Variants in SRFBP1 observed in about 807,000 individuals in gnomAD.
SRFBP1 encodes the protein serum response factor binding protein 1.
Under a neutral mutation model 45.5 loss-of-function variants are expected in SRFBP1, and 47 were observed. The observed-to-expected ratio is 1.03, with a 90% confidence interval of 0.82 to 1.32. SRFBP1 has a LOEUF of 1.32. Ranked by LOEUF, SRFBP1 falls within the 40% of genes most tolerant of loss-of-function variation. The probability of loss-of-function intolerance (pLI) is 0.00; values close to 1 mark genes in which losing one functional copy is unlikely to be tolerated. For synonymous variants in SRFBP1, 203 were observed against 166.3 expected (o/e 1.22, Z -1.70); for missense variants, 621 against 484.6 (o/e 1.28, Z -2.64).
chr5:121,979,112 C>A (rs1752358892), intron 3 of SRFBP1, among the ~76,000 whole-genome samples: 1 of 152,092 alleles, frequency 6.6e-6, no homozygotes, highest in Non-Finnish European at 1.5e-5. Context: ...AGATTATAAT[C>A]TGTAAAGGCA....
At chr5:122,029,971 A>G (rs1488230846), downstream of SRFBP1, among the ~76,000 whole-genome samples, 1 of 152,214 alleles carries the variant, frequency 6.6e-6, no homozygotes, top group Admixed American at 6.5e-5. Context: ...TATCGAGGAT[A>G]TATTTACATA....
At chr5:121,981,530 T>A (rs1752407576) in intron 3 of SRFBP1, among the ~76,000 whole-genome samples, 1 of 151,726 alleles carries the variant, frequency 6.6e-6, no homozygotes, top group Non-Finnish European at 1.5e-5. Flanking sequence ...CTGTTGCTTC[T>A]GTATCTTCCA....
At chr5:121,983,377 C>G (rs1752451397) in intron 3 of SRFBP1, among the ~76,000 whole-genome samples, 1 of 151,618 alleles carries the variant, frequency 6.6e-6, no homozygotes, top group Non-Finnish European at 1.5e-5. Flanking sequence ...CTCTTTGTAC[C>G]TGACAGAAGT....
chr5:121,986,537 C>G (rs1295892950), intron 3 of SRFBP1, among the ~76,000 whole-genome samples: 1 of 152,006 alleles, frequency 6.6e-6, no homozygotes, highest in Non-Finnish European at 1.5e-5. Flanking sequence ...CATATGGGCC[C>G]TAGTCTGAAC....
At chr5:122,012,999 G>A (rs1753124742) in intron 4 of SRFBP1, among the ~76,000 whole-genome samples, 1 of 152,008 alleles carries the variant, frequency 6.6e-6, no homozygotes, top group Non-Finnish European at 1.5e-5. Context: ...ACTTTAGTCA[G>A]GTTACTTACC....
chr5:122,071,906 C>G (rs555323504), intron 2 of SRFBP1, among the ~76,000 whole-genome samples: 65 of 152,284 alleles, frequency 4.3e-4, no homozygotes, highest in Middle Eastern at 3.4e-3. Context: ...ACAGGCCCAA[C>G]TCAGAAGGGT....
intron 3 of SRFBP1, among the ~76,000 whole-genome samples, chr5:121,986,288 C>T (rs1396921375): frequency 6.6e-6 from 1 of 151,874 alleles, no homozygotes; most frequent in African/African-American, 2.4e-5. Flanking sequence ...AGTACTGAGA[C>T]TTATTCATTA....
At chr5:121,970,025 CT>C (rs1752154717) in intron 1 of SRFBP1, among the ~76,000 whole-genome samples, 1 of 152,026 alleles carries the variant, frequency 6.6e-6, no homozygotes, top group Non-Finnish European at 1.5e-5. Flanking sequence ...AAGCAGTGCA[CT>C]TGGACTTCTG....
intron 3 of SRFBP1, among the ~76,000 whole-genome samples, chr5:121,988,814 A>G (rs1274414595): frequency 1.3e-5 from 2 of 152,204 alleles, no homozygotes; most frequent in African/African-American, 4.8e-5. Context: ...TTTCTCAAGT[A>G]TGTACAGAGT....
At chr5:121,973,499 T>A (rs1342509445) in intron 1 of SRFBP1, among the ~76,000 whole-genome samples, 2 of 151,912 alleles carry the variant, frequency 1.3e-5, no homozygotes, top group South Asian at 2.1e-4. Flanking sequence ...GTATTTTTTT[T>A]ATAACTATAA....
rs1753379621 is a variant in SRFBP1 at position 122,022,423 on chromosome 5, T to C, written c.1105+16T>C. 3.1e-6 allele frequency: 5 copies of C among 1,603,154 alleles called. No individual in the cohort carries two copies. Among genetic ancestry groups the C allele is most frequent in the Non-Finnish European group, 4.3e-6 (5 of 1,175,956 alleles). ...AGATCCCTAGGTATGTATTCATAGT[T>C]GCCTGACCTTCATATGCAATTAAGC... On this transcript the variant is annotated intron_variant, in intron 7 of 7. Coordinates refer to ENST00000339397, the MANE Select transcript of SRFBP1 (RefSeq NM_152546.3).
intron 4 of SRFBP1, among the ~76,000 whole-genome samples, chr5:122,007,986 A>G (rs546979748): frequency 1.3e-5 from 2 of 151,444 alleles, no homozygotes; most frequent in South Asian, 2.1e-4. Context: ...GGGTCGGTAT[A>G]TATCCTGAAG....
chr5:122,030,595 A>G (rs1580536162), downstream of SRFBP1, among the ~76,000 whole-genome samples: 1 of 149,182 alleles, frequency 6.7e-6, no homozygotes, highest in Non-Finnish European at 1.5e-5. Context: ...AAACAATTAG[A>G]GGCTTTTTTT....
chr5:122,019,291 C>T lies in SRFBP1; in HGVS notation c.302C>T (p.Ala101Val), dbSNP rs544967694. ...TCTACTGCAACTGAAAGAGCAATTG[C>T]CAGACTAGCAGTACATCCTCTTCTG... ...PDSTATERAI[A>V]RLAVHPLLKK... Residue 101 changes from alanine (A) to valine (V), a missense_variant, in exon 5 of 8, where the codon GCC becomes GTC. By Grantham distance (64) the Ala-to-Val change is moderately conservative. Transcript: ENST00000339397. The T allele has an allele frequency of 4.5e-5, 73 of 1,612,254 alleles. No individual in the cohort carries two copies. Among genetic ancestry groups the T allele is most frequent in the Non-Finnish European group, 5.6e-5 (66 of 1,179,074 alleles).
chr5:122,021,359 T>C (rs1382400246), intron 6 of SRFBP1, among the ~76,000 whole-genome samples: 5 of 152,224 alleles, frequency 3.3e-5, no homozygotes, highest in Non-Finnish European at 7.3e-5. Context: ...TAACTTTATT[T>C]GTAATTCCAA....
intron 1 of SRFBP1, among the ~76,000 whole-genome samples, chr5:121,965,395 G>C (rs1752041522): frequency 6.6e-6 from 1 of 152,140 alleles, no homozygotes; most frequent in Non-Finnish European, 1.5e-5. Flanking sequence ...TCCAGTTTCA[G>C]TTTTCTGCAT....
chr5:122,031,144 G>A (rs1326950793), downstream of SRFBP1, among the ~76,000 whole-genome samples: 1 of 152,114 alleles, frequency 6.6e-6, no homozygotes, highest in Non-Finnish European at 1.5e-5. Flanking sequence ...AAGGAAATCT[G>A]TCCAATTATT....
In SRFBP1 at chr5:121,971,356, A is replaced by G. The variant is rs561744191; in HGVS notation, c.37-2840A>G. 3.3e-5 allele frequency among the ~76,000 whole-genome samples: 5 copies of G among 152,082 alleles called. No individual in the cohort carries two copies. In the South Asian group the frequency reaches 1.0e-3, roughly 32 times the overall value. On this transcript the variant is annotated intron_variant, in intron 1 of 7. Transcript: ENST00000339397. ...TAAGATTAATAGGACTTGGAGATTC[A>G]TTGTGAAGGATTAAGAGAGCTACCT...
At chr5:121,987,496 A>T (rs975165742) in intron 3 of SRFBP1, among the ~76,000 whole-genome samples, 3 of 152,190 alleles carry the variant, frequency 2.0e-5, no homozygotes, top group Non-Finnish European at 4.4e-5. Flanking sequence ...AGGTAATCAT[A>T]ATGAAATTCT....
Sources: allele counts gnomAD v4.1 joint callset (sites outside exome capture counted in the v4.1 genomes callset), GRCh38; gene constraint gnomAD v4.1.1; transcripts MANE v1.5; gene names NCBI Gene and HGNC (gene_info 2026-07-23, HGNC 2026-07-21).